The following ROBO2 variants were observed in gnomAD, a reference collection of about 807,000 sequenced individuals.
ROBO2 encodes the protein roundabout guidance receptor 2.
Under a neutral mutation model 160.8 loss-of-function variants are expected in ROBO2, and 53 were observed. The ratio of observed to expected loss-of-function variants is 0.33; its 90% CI spans 0.26 to 0.41. ROBO2 has a LOEUF of 0.41. ROBO2 is among the 10% of genes least tolerant of loss of function. The pLI is 1.00. For synonymous variants in ROBO2, 664 were observed against 611.7 expected, an observed-to-expected ratio of 1.09 and a Z score of -1.26; for missense variants, 1,577 against 1,722.4, an observed-to-expected ratio of 0.92 and a Z score of 1.49.
intron 2 of ROBO2, among the ~76,000 whole-genome samples, chr3:76,526,138 G>A (rs2081934632): frequency 6.6e-6 from 1 of 152,032 alleles, no homozygotes; most frequent in South Asian, 2.1e-4. Flanking sequence ...ATGGAGTCCA[G>A]CTCGTTCATT....
At chr3:76,170,563 G>A (rs1223746265) in intron 2 of ROBO2, among the ~76,000 whole-genome samples, 3 of 152,128 alleles carry the variant, frequency 2.0e-5, no homozygotes, top group Admixed American at 6.5e-5. Flanking sequence ...GGCAAAATGC[G>A]TAGCAGCACC....
chr3:76,541,043 G>T (rs1214533970), intron 2 of ROBO2, among the ~76,000 whole-genome samples: 1 of 152,112 alleles, frequency 6.6e-6, no homozygotes, highest in Non-Finnish European at 1.5e-5. Context: ...CAAGTGATCT[G>T]CCCGCCTCGG....
At chr3:76,256,746 C>T (rs1706415792) in intron 2 of ROBO2, among the ~76,000 whole-genome samples, 3 of 151,954 alleles carry the variant, frequency 2.0e-5, no homozygotes, top group East Asian at 1.9e-4. Flanking sequence ...TAAAGAAACA[C>T]CCGAGACTGG....
intron 2 of ROBO2, among the ~76,000 whole-genome samples, chr3:77,461,626 A>G (rs1216211403): frequency 6.6e-6 from 1 of 151,874 alleles, no homozygotes; most frequent in African/African-American, 2.4e-5. Context: ...ATAATATTTT[A>G]TAATATTAGA....
chr3:76,526,141 C>T (rs192572620), intron 2 of ROBO2, among the ~76,000 whole-genome samples: 45 of 152,080 alleles, frequency 3.0e-4, no homozygotes, highest in Admixed American at 5.3e-4. Context: ...GAGTCCAGCT[C>T]GTTCATTTTA....
chr3:76,253,164 A>G (rs1706143443), intron 2 of ROBO2, among the ~76,000 whole-genome samples: 1 of 152,104 alleles, frequency 6.6e-6, no homozygotes, highest in Non-Finnish European at 1.5e-5. Flanking sequence ...TTACAGATGC[A>G]TGTGTGTTTA....
rs148428940 is a variant in ROBO2 at position 76,857,691 on chromosome 3, CT to C, written c.110-240321del. Among the ~76,000 whole-genome samples the C allele has an allele frequency of 3.5e-3, 540 of 152,318 alleles. 5 individuals carry two copies. Among genetic ancestry groups the C allele is most frequent in the South Asian group, 0.016 (78 of 4,834 alleles). The stretch of plus-strand genomic sequence containing the variant: ...GTTTTCTCTACTTTACACACATCCC[CT>C]TCCAGCATATTCAACTTTGCTGCCA... On this transcript the variant is annotated intron_variant, in intron 2 of 26. Coordinates refer to the ROBO2 transcript ENST00000487694.
chr3:76,484,239 T>C (rs1228526963), intron 2 of ROBO2, among the ~76,000 whole-genome samples: 1 of 152,184 alleles, frequency 6.6e-6, no homozygotes, highest in Non-Finnish European at 1.5e-5. Flanking sequence ...TCCACTGGCC[T>C]TTAAGTCTTG....
At chr3:76,191,581 A>G (rs1403575060) in intron 2 of ROBO2, among the ~76,000 whole-genome samples, 1 of 152,060 alleles carries the variant, frequency 6.6e-6, no homozygotes, top group Non-Finnish European at 1.5e-5. Context: ...TTATTCATTC[A>G]TTCATCCACT....
intron 24 of ROBO2, among the ~76,000 whole-genome samples, chr3:77,636,143 G>A (rs369793413): frequency 6.6e-6 from 1 of 152,164 alleles, no homozygotes; most frequent in African/African-American, 2.4e-5. Flanking sequence ...GGATTTTAAC[G>A]TTGAATTTTG....
intron 2 of ROBO2, among the ~76,000 whole-genome samples, chr3:76,894,651 T>C (rs1369857650): frequency 2.6e-5 from 4 of 152,154 alleles, no homozygotes; most frequent in African/African-American, 4.8e-5. Context: ...TAGTTCTCAT[T>C]TGAGTAGTTG....
chr3:75,908,873 T>G (rs1022336668), intron 1 of ROBO2, among the ~76,000 whole-genome samples: 1 of 152,320 alleles, frequency 6.6e-6, no homozygotes, highest in Middle Eastern at 3.4e-3. Context: ...TGGGATAATT[T>G]GTGTCTTATA....
At chr3:76,620,906 ATGTTT>A (rs1485794704) in intron 2 of ROBO2, among the ~76,000 whole-genome samples, 1 of 152,198 alleles carries the variant, frequency 6.6e-6, no homozygotes, top group Non-Finnish European at 1.5e-5. Flanking sequence ...AAATGGTTTC[ATGTTT>A]TGTTTTTAAT....
At chr3:76,224,497 A>T (rs1296682014) in intron 2 of ROBO2, among the ~76,000 whole-genome samples, 1 of 152,148 alleles carries the variant, frequency 6.6e-6, no homozygotes, top group Non-Finnish European at 1.5e-5. Context: ...AATGGATTGG[A>T]TGATGCCCAC....
chr3:76,472,435 C>T (rs1039166185), intron 2 of ROBO2, among the ~76,000 whole-genome samples: 28 of 151,860 alleles, frequency 1.8e-4, no homozygotes, highest in African/African-American at 4.1e-4. Flanking sequence ...AAATTTGTTA[C>T]GCAAAGGAAT....
chr3:76,994,777 C>G (rs542574614), intron 2 of ROBO2, among the ~76,000 whole-genome samples: 2 of 152,190 alleles, frequency 1.3e-5, no homozygotes, highest in South Asian at 2.1e-4. Context: ...TGGGCTTACC[C>G]TTCCATAAAC....
chr3:75,928,594 T>A (rs1349248135), intron 1 of ROBO2, among the ~76,000 whole-genome samples: 1 of 152,252 alleles, frequency 6.6e-6, no homozygotes, highest in Non-Finnish European at 1.5e-5. Context: ...CATATAATGA[T>A]GACTGAGCCA....
At chr3:76,440,963 A>G (rs914825365) in intron 2 of ROBO2, among the ~76,000 whole-genome samples, 2 of 152,176 alleles carry the variant, frequency 1.3e-5, no homozygotes, top group African/African-American at 4.8e-5. Context: ...CCCAGCACAT[A>G]CAGCTGAAAA....
At position 77,032,271 on chromosome 3, in the gene ROBO2, G is replaced by A. The variant is rs565457081; in HGVS notation, c.110-65743G>A. ...TAGCCTATCCTGGGTGATTCTGTAG[G>A]CTTTGTTGTACTGGATATGAATTAC... On this transcript the variant is annotated intron_variant, in intron 2 of 26. Transcript: ENST00000487694. Among the ~76,000 whole-genome samples, 27 of 152,204 alleles carry A rather than the reference G, an allele frequency of 1.8e-4. No individual in the cohort carries two copies. The South Asian group carries it at 5.6e-3, about 32-fold the overall frequency.
Sources: allele counts gnomAD v4.1 joint callset (sites outside exome capture counted in the v4.1 genomes callset), GRCh38; gene constraint gnomAD v4.1.1; transcripts MANE v1.5; gene names NCBI Gene and HGNC (gene_info 2026-07-23, HGNC 2026-07-21).